EPB41L2: variants seen among roughly 807,000 people sequenced by gnomAD.
The protein encoded by EPB41L2 is band 4.1-like protein 2.
Under a neutral mutation model 113.0 loss-of-function variants are expected in EPB41L2, and 43 were observed. The observed-to-expected ratio is 0.38, with a 90% CI of 0.30 to 0.49. The LOEUF is 0.49. EPB41L2 is among the 20% of genes least tolerant of loss of function. The probability of loss-of-function intolerance (pLI) is 0.95; values close to 1 mark genes in which losing one functional copy is unlikely to be tolerated. For synonymous variants in EPB41L2, 442 were observed against 436.7 expected (o/e 1.01, Z -0.15); for missense variants, 1,147 against 1,223.4 (o/e 0.94, Z 0.93).
At chr6:130,951,840 G>A (rs1168180476) in intron 3 of EPB41L2, among the ~76,000 whole-genome samples, 1 of 151,834 alleles carries the variant, frequency 6.6e-6, no homozygotes, top group African/African-American at 2.4e-5. Flanking sequence ...AAGAACTGTA[G>A]TATGGTTCTA....
At chr6:131,020,971 CT>C (rs1262584463) in intron 1 of EPB41L2, among the ~76,000 whole-genome samples, 1 of 151,412 alleles carries the variant, frequency 6.6e-6, no homozygotes, top group Admixed American at 6.6e-5. Flanking sequence ...TTTTTTTTAA[CT>C]TTTTTTGTAG....
chr6:131,051,142 C>T (rs745506029), intron 1 of EPB41L2, among the ~76,000 whole-genome samples: 1 of 151,908 alleles, frequency 6.6e-6, no homozygotes, highest in Non-Finnish European at 1.5e-5. Flanking sequence ...AGCTTCTTGA[C>T]CAATAACATA....
intron 1 of EPB41L2, among the ~76,000 whole-genome samples, chr6:131,032,092 A>G (rs1204993693): frequency 2.6e-5 from 4 of 152,158 alleles, no homozygotes; most frequent in Admixed American, 2.6e-4. Context: ...TCATAAACCA[A>G]GCTTACATCA....
chr6:130,962,460 T>C (rs1012157280), intron 1 of EPB41L2, among the ~76,000 whole-genome samples: 1 of 152,186 alleles, frequency 6.6e-6, no homozygotes, highest in South Asian at 2.1e-4. Flanking sequence ...TTCAAGTAAG[T>C]ATAAATACAT....
chr6:130,962,607 TAGAC>T (rs1773873139), intron 1 of EPB41L2, among the ~76,000 whole-genome samples: 1 of 152,218 alleles, frequency 6.6e-6, no homozygotes, highest in South Asian at 2.1e-4. Flanking sequence ...AGGGACCTAT[TAGAC>T]AGAGCTATTA....
intron 2 of EPB41L2, among the ~76,000 whole-genome samples, chr6:130,955,611 C>A (rs1228359148): frequency 6.6e-6 from 1 of 152,162 alleles, no homozygotes; most frequent in Non-Finnish European, 1.5e-5. Flanking sequence ...CAATTAAAAT[C>A]TTATACCATG....
Position 130,904,556 on chromosome 6 carries a change from A to C in EPB41L2, c.854-16T>G. The C allele has an allele frequency of 2.6e-6, 4 of 1,530,214 alleles. No individual in the cohort carries two copies. The highest frequency in any genetic ancestry group is 3.6e-6 in the Non-Finnish European group (4 of 1,110,092). 94.8% of individuals were successfully genotyped at this position (1,530,214 alleles called of 1,614,324 possible). On this transcript the variant is annotated splice_polypyrimidine_tract_variant and intron_variant, in intron 5 of 19. Transcript: ENST00000337057. ...CATGGAAGGTCTGTAATTATTAAAT[A>C]TCACAGTTATGCACCCAATTAACAG...
intron 1 of EPB41L2, among the ~76,000 whole-genome samples, chr6:131,023,504 G>T (rs551640469): frequency 6.6e-6 from 1 of 152,168 alleles, no homozygotes; most frequent in South Asian, 2.1e-4. Context: ...CCAACATGGG[G>T]AAACCCTGTC....
intron 4 of EPB41L2, among the ~76,000 whole-genome samples, chr6:130,911,034 C>T (rs1030560931): frequency 3.9e-5 from 6 of 152,132 alleles, no homozygotes. Flanking sequence ...GGTATATACC[C>T]AAAGGATTAT....
At chr6:131,017,416 T>G (rs1788485428) in intron 1 of EPB41L2, among the ~76,000 whole-genome samples, 1 of 152,206 alleles carries the variant, frequency 6.6e-6, no homozygotes, top group African/African-American at 2.4e-5. Flanking sequence ...ATGATAACAG[T>G]ACTTCACATA....
chr6:130,991,532 G>T (rs915874834), intron 1 of EPB41L2, among the ~76,000 whole-genome samples: 3 of 152,130 alleles, frequency 2.0e-5, no homozygotes, highest in Admixed American at 6.5e-5. Flanking sequence ...TAATCCTACA[G>T]TATTTTGTTC....
At chr6:131,053,565 G>A (rs1287209972) in intron 1 of EPB41L2, among the ~76,000 whole-genome samples, 1 of 151,556 alleles carries the variant, frequency 6.6e-6, no homozygotes, top group Non-Finnish European at 1.5e-5. Context: ...TGGGTAACAA[G>A]AACAGGGAGG....
chr6:131,050,575 C>T (rs1327553961), intron 1 of EPB41L2, among the ~76,000 whole-genome samples: 1 of 152,150 alleles, frequency 6.6e-6, no homozygotes. Context: ...ATATTCAGAA[C>T]CTTCCTTTTT....
chr6:131,038,884 A>G (rs533428808), intron 1 of EPB41L2, among the ~76,000 whole-genome samples: 63 of 152,346 alleles, frequency 4.1e-4, no homozygotes, highest in African/African-American at 1.2e-3. Flanking sequence ...AGCCACATTT[A>G]TTCTGGGGAA....
intron 8 of EPB41L2, among the ~76,000 whole-genome samples, chr6:130,895,331 G>C (rs1794311581): frequency 6.6e-6 from 1 of 152,178 alleles, no homozygotes; most frequent in African/African-American, 2.4e-5. Flanking sequence ...GTGATTTGCC[G>C]AAGAGTTACG....
chr6:130,858,074 A>G (rs112345423), intron 19 of EPB41L2, 57 bp downstream of exon 19: 13 of 1,297,120 alleles, frequency 1.0e-5, no homozygotes, highest in African/African-American at 1.4e-5. Flanking sequence ...TCCTTTCACA[A>G]GTTCAGGAGT....
At chr6:130,916,248 C>T (rs1469283277) in intron 4 of EPB41L2, among the ~76,000 whole-genome samples, 1 of 152,086 alleles carries the variant, frequency 6.6e-6, no homozygotes, top group Non-Finnish European at 1.5e-5. Flanking sequence ...ATGTATTTTA[C>T]ACTAAAATCT....
chr6:130,939,414 C>T (rs940452618), intron 3 of EPB41L2, among the ~76,000 whole-genome samples: 3 of 151,984 alleles, frequency 2.0e-5, no homozygotes, highest in Non-Finnish European at 4.4e-5. Context: ...CCACCAAGCC[C>T]GGCTAATTTT....
intron 15 of EPB41L2, chr6:130,868,403 C>G (rs1007569819): frequency 6.6e-6 from 1 of 152,070 alleles, no homozygotes; most frequent in African/African-American, 2.4e-5. Flanking sequence ...TTTAGTCTGC[C>G]GAGTATGCAT....
Sources: allele counts gnomAD v4.1 joint callset (sites outside exome capture counted in the v4.1 genomes callset), GRCh38; gene constraint gnomAD v4.1.1; transcripts MANE v1.5; gene names NCBI Gene and HGNC (gene_info 2026-07-23, HGNC 2026-07-21).